The following ZNF385D variants were observed in gnomAD, a reference collection of about 807,000 sequenced individuals.
ZNF385D encodes the protein zinc finger protein 659.
In ZNF385D, 15 loss-of-function variants were observed where a neutral mutation model predicts 35.8. That is an observed-to-expected ratio of 0.42 (90% CI 0.28 to 0.64). ZNF385D has a LOEUF of 0.64. Ranked by LOEUF, ZNF385D falls within the 30% of genes least tolerant of loss-of-function variation. The pLI is 0.23. For synonymous variants in ZNF385D, 212 were observed against 186.8 expected, an observed-to-expected ratio of 1.13 and a Z score of -1.10; for missense variants, 474 against 494.6, an observed-to-expected ratio of 0.96 and a Z score of 0.39.
At chr3:21,942,279 A>C in intron 3 of ZNF385D, among the ~76,000 whole-genome samples, 1 of 152,236 alleles carries the variant, frequency 6.6e-6, no homozygotes. Context: ...TCAGAGGAGA[A>C]TAAGCAAATA....
chr3:22,318,267 A>G (rs1391475348), intron 2 of ZNF385D, among the ~76,000 whole-genome samples: 1 of 152,172 alleles, frequency 6.6e-6, no homozygotes, highest in Non-Finnish European at 1.5e-5. Flanking sequence ...AGAAAGCTTT[A>G]AGTAGAATGA....
intron 2 of ZNF385D, among the ~76,000 whole-genome samples, chr3:21,624,269 C>A (rs1200120681): frequency 1.3e-5 from 2 of 152,024 alleles, no homozygotes; most frequent in African/African-American, 4.8e-5. Context: ...TGGCCACAAA[C>A]CTTAGCACAG....
chr3:22,276,552 G>A (rs557984810), intron 2 of ZNF385D, among the ~76,000 whole-genome samples: 4 of 152,240 alleles, frequency 2.6e-5, no homozygotes, highest in East Asian at 1.9e-4. Flanking sequence ...AATTGATGAC[G>A]ATGGCACATT....
chr3:21,595,986 A>G (rs535763579), intron 2 of ZNF385D, among the ~76,000 whole-genome samples: 2 of 152,234 alleles, frequency 1.3e-5, no homozygotes, highest in South Asian at 2.1e-4. Context: ...TCTTTAATCT[A>G]GAAGCACAAG....
chr3:21,888,438 A>G (rs1344276757), intron 3 of ZNF385D, among the ~76,000 whole-genome samples: 1 of 151,838 alleles, frequency 6.6e-6, no homozygotes, highest in African/African-American at 2.4e-5. Context: ...AAAGAGAAAG[A>G]GAATAGTAAA....
At chr3:21,745,379 G>T (rs965001388) in intron 1 of ZNF385D, among the ~76,000 whole-genome samples, 1 of 152,212 alleles carries the variant, frequency 6.6e-6, no homozygotes, top group East Asian at 1.9e-4. Context: ...GGAATCAAGA[G>T]GGTTTCATGA....
At chr3:21,887,873 A>T (rs1246071914) in intron 3 of ZNF385D, among the ~76,000 whole-genome samples, 1 of 152,152 alleles carries the variant, frequency 6.6e-6, no homozygotes, top group African/African-American at 2.4e-5. Flanking sequence ...AGAATGAGTT[A>T]AAATACTGTT....
intron 3 of ZNF385D, among the ~76,000 whole-genome samples, chr3:21,983,578 G>A (rs1270432657): frequency 6.9e-6 from 1 of 144,190 alleles, no homozygotes; most frequent in South Asian, 2.3e-4. Flanking sequence ...TGGACATTTG[G>A]GTTGGTTCCA....
At chr3:22,084,155 T>C (rs1700907321) in intron 3 of ZNF385D, among the ~76,000 whole-genome samples, 1 of 152,164 alleles carries the variant, frequency 6.6e-6, no homozygotes, top group Non-Finnish European at 1.5e-5. Context: ...CCATCGTTGC[T>C]AGGAAGAAAT....
chr3:22,250,330 T>A (rs1400357424), intron 2 of ZNF385D, among the ~76,000 whole-genome samples: 1 of 151,788 alleles, frequency 6.6e-6, no homozygotes, highest in African/African-American at 2.4e-5. Flanking sequence ...TAAGACAGAT[T>A]TATCAATTTA....
At chr3:21,963,751 T>C (rs577685695) in intron 3 of ZNF385D, among the ~76,000 whole-genome samples, 29 of 152,186 alleles carry the variant, frequency 1.9e-4, no homozygotes, top group Admixed American at 1.8e-3. Flanking sequence ...CTTTATGTTT[T>C]TCTTCTCCTC....
At chr3:21,593,007 G>A (rs1262378920) in intron 2 of ZNF385D, among the ~76,000 whole-genome samples, 1 of 152,172 alleles carries the variant, frequency 6.6e-6, no homozygotes, top group African/African-American at 2.4e-5. Flanking sequence ...GACATCATGT[G>A]TGGCAGATCC....
chr3:22,013,468 A>G (rs990156139), intron 3 of ZNF385D, among the ~76,000 whole-genome samples: 2 of 152,104 alleles, frequency 1.3e-5, no homozygotes, highest in Non-Finnish European at 2.9e-5. Flanking sequence ...AAATATTTAT[A>G]TTTATTGCTG....
intron 4 of ZNF385D, among the ~76,000 whole-genome samples, chr3:21,509,279 T>A (rs369390565): frequency 6.6e-6 from 1 of 152,302 alleles, no homozygotes; most frequent in South Asian, 2.1e-4. Context: ...CATCTCTTTG[T>A]TCTCCCTACC....
intron 1 of ZNF385D, among the ~76,000 whole-genome samples, chr3:21,670,339 GATTAC>G (rs1293416023): frequency 1.3e-5 from 2 of 151,626 alleles, no homozygotes; most frequent in African/African-American, 4.8e-5. Flanking sequence ...AATAAGCTAT[GATTAC>G]ATTACTAAAC....
At chr3:21,681,882 A>G (rs114921118) in intron 1 of ZNF385D, among the ~76,000 whole-genome samples, 9,993 of 152,146 alleles carry the variant, frequency 0.066, 378 homozygotes, top group East Asian at 0.13. Context: ...GAAAACATGT[A>G]AAGAAATGGG....
intron 2 of ZNF385D, among the ~76,000 whole-genome samples, chr3:22,177,090 G>A (rs1410654598): frequency 6.6e-6 from 1 of 152,140 alleles, no homozygotes; most frequent in South Asian, 2.1e-4. Context: ...TGCCATCAGG[G>A]CCTCCTTGGC....
At chr3:21,624,183 A>G (rs1302618521) in intron 2 of ZNF385D, among the ~76,000 whole-genome samples, 3 of 152,074 alleles carry the variant, frequency 2.0e-5, no homozygotes, top group African/African-American at 7.2e-5. Flanking sequence ...GCCTCTATTC[A>G]TAAAAGTGCT....
At chr3:22,312,255 G>A (rs1486812511) in intron 2 of ZNF385D, among the ~76,000 whole-genome samples, 1 of 152,126 alleles carries the variant, frequency 6.6e-6, no homozygotes, top group African/African-American at 2.4e-5. Context: ...GATATGCACA[G>A]TAATCTGTGA....
Sources: allele counts gnomAD v4.1 joint callset (sites outside exome capture counted in the v4.1 genomes callset), GRCh38; gene constraint gnomAD v4.1.1; transcripts MANE v1.5; gene names NCBI Gene and HGNC (gene_info 2026-07-23, HGNC 2026-07-21).